Variants in TAFA4 observed in about 807,000 individuals in gnomAD.
The protein encoded by TAFA4 is TAFA chemokine like family member 4.
A neutral mutation model predicts 21.1 loss-of-function variants in TAFA4; 20 were observed. The ratio of observed to expected loss-of-function variants is 0.95; its 90% CI spans 0.67 to 1.38. TAFA4 has a LOEUF of 1.38. TAFA4 is among the 40% of genes most tolerant of loss of function. TAFA4 has a pLI of 0.00. For synonymous variants in TAFA4, 71 were observed against 67.4 expected (o/e 1.05, Z -0.26); for missense variants, 211 against 180.9 (o/e 1.17, Z -0.95).
intron 1 of TAFA4, among the ~76,000 whole-genome samples, chr3:68,926,839 A>G (rs1016818894): frequency 2.6e-5 from 4 of 152,186 alleles, no homozygotes; most frequent in African/African-American, 9.7e-5. Flanking sequence ...TGAACCTGGA[A>G]GGTGGAGGTT....
chr3:68,813,679 T>C (rs1703894185), intron 3 of TAFA4, among the ~76,000 whole-genome samples: 1 of 151,990 alleles, frequency 6.6e-6, no homozygotes, highest in South Asian at 2.1e-4. Context: ...AATTAATAGC[T>C]TACCAACCAA....
At chr3:68,868,842 C>G (rs912764140) in intron 3 of TAFA4, among the ~76,000 whole-genome samples, 8 of 151,634 alleles carry the variant, frequency 5.3e-5, no homozygotes. Flanking sequence ...AGAAGACAAC[C>G]AACCAAATCC....
chr3:68,811,823 A>C (rs1024030726), intron 3 of TAFA4, among the ~76,000 whole-genome samples: 1 of 152,186 alleles, frequency 6.6e-6, no homozygotes, highest in African/African-American at 2.4e-5. Flanking sequence ...AATACAGAGA[A>C]CACCACAAAG....
At chr3:68,785,623 G>A (rs1488553978) in intron 3 of TAFA4, among the ~76,000 whole-genome samples, 3 of 152,250 alleles carry the variant, frequency 2.0e-5, no homozygotes, top group Admixed American at 6.5e-5. Flanking sequence ...ACCGCGTGCA[G>A]CCCCGGTTCC....
At chr3:68,765,114 A>G (rs1351378328) in intron 3 of TAFA4, among the ~76,000 whole-genome samples, 1 of 152,184 alleles carries the variant, frequency 6.6e-6, no homozygotes, top group Non-Finnish European at 1.5e-5. Flanking sequence ...TTAGAAGATA[A>G]AAATAAACAA....
intron 3 of TAFA4, among the ~76,000 whole-genome samples, chr3:68,772,556 C>G (rs183937778): frequency 1.6e-4 from 25 of 152,330 alleles, no homozygotes; most frequent in Middle Eastern, 6.8e-3. Context: ...TCTTTGGACT[C>G]TGGGGACTTA....
At chr3:68,799,574 T>A (rs1184932051) in intron 3 of TAFA4, among the ~76,000 whole-genome samples, 1 of 152,148 alleles carries the variant, frequency 6.6e-6, no homozygotes, top group Non-Finnish European at 1.5e-5. Flanking sequence ...GGGGAAGCTA[T>A]CCCTGGTTAG....
chr3:68,929,890 G>A (rs1242323944), intron 1 of TAFA4, among the ~76,000 whole-genome samples: 2 of 152,200 alleles, frequency 1.3e-5, no homozygotes, highest in African/African-American at 4.8e-5. Flanking sequence ...TGCTCAATAT[G>A]ATAATATGAC....
chr3:68,829,383 C>G (rs9756872), intron 3 of TAFA4, among the ~76,000 whole-genome samples: 68,695 of 151,990 alleles, frequency 0.45, 16,162 homozygotes, highest in African/African-American at 0.55. Flanking sequence ...GGTTTATTGA[C>G]AGTTTTTAGC....
At chr3:68,757,631 G>A (rs891372616) in intron 3 of TAFA4, among the ~76,000 whole-genome samples, 2 of 152,140 alleles carry the variant, frequency 1.3e-5, no homozygotes, top group African/African-American at 4.8e-5. Flanking sequence ...CCATCCACAA[G>A]TACAAATGGA....
chr3:68,905,675 C>G (rs2089893011), intron 1 of TAFA4, among the ~76,000 whole-genome samples: 1 of 152,082 alleles, frequency 6.6e-6, no homozygotes, highest in Non-Finnish European at 1.5e-5. Context: ...AGCATTTAAG[C>G]AGTGGGAACA....
At chr3:68,886,006 A>G (rs1045762621) in intron 1 of TAFA4, among the ~76,000 whole-genome samples, 11 of 152,224 alleles carry the variant, frequency 7.2e-5, no homozygotes, top group African/African-American at 2.4e-4. Context: ...ATGAAACTAT[A>G]CCATTTGTAA....
chr3:68,775,115 C>T (rs1341240129), intron 3 of TAFA4, among the ~76,000 whole-genome samples: 1 of 152,130 alleles, frequency 6.6e-6, no homozygotes, highest in Non-Finnish European at 1.5e-5. Flanking sequence ...GCTATACAGG[C>T]AGACAATCAG....
intron 3 of TAFA4, among the ~76,000 whole-genome samples, chr3:68,756,465 T>C (rs17047978): frequency 0.045 from 6,792 of 152,332 alleles, 387 homozygotes; most frequent in East Asian, 0.26. Flanking sequence ...TCTGTTGGTG[T>C]ATGTGTTTCA....
intron 3 of TAFA4, among the ~76,000 whole-genome samples, chr3:68,760,589 GTTTGA>G (rs977121520): frequency 2.0e-5 from 3 of 152,162 alleles, no homozygotes; most frequent in African/African-American, 7.2e-5. Context: ...GAAGGCATCT[GTTTGA>G]TTTGAGTGTG....
At chr3:68,807,873 G>C (rs531889823) in intron 3 of TAFA4, among the ~76,000 whole-genome samples, 79 of 152,260 alleles carry the variant, frequency 5.2e-4, no homozygotes, top group African/African-American at 1.7e-3. Flanking sequence ...ACATATAATT[G>C]CAAGTATCTG....
intron 3 of TAFA4, among the ~76,000 whole-genome samples, chr3:68,867,420 G>A (rs1248989483): frequency 6.6e-6 from 1 of 152,034 alleles, no homozygotes; most frequent in Non-Finnish European, 1.5e-5. Flanking sequence ...TGTCTTACAA[G>A]AAATGCTAAA....
At chr3:68,922,071 T>A (rs2090065377) in intron 1 of TAFA4, among the ~76,000 whole-genome samples, 1 of 152,194 alleles carries the variant, frequency 6.6e-6, no homozygotes, top group Non-Finnish European at 1.5e-5. Context: ...TTAGACAAGC[T>A]TACCAACATA....
At chr3:68,832,355 T>A (rs1032025514) in intron 3 of TAFA4, among the ~76,000 whole-genome samples, 2 of 152,146 alleles carry the variant, frequency 1.3e-5, no homozygotes, top group Admixed American at 6.5e-5. Context: ...GACCTACAGA[T>A]GGGGTTTTGG....
Sources: allele counts gnomAD v4.1 joint callset (sites outside exome capture counted in the v4.1 genomes callset), GRCh38; gene constraint gnomAD v4.1.1; transcripts MANE v1.5; gene names NCBI Gene and HGNC (gene_info 2026-07-23, HGNC 2026-07-21).